The following PHACTR2 variants were observed in gnomAD, a reference collection of about 807,000 sequenced individuals.
PHACTR2 encodes chromosome 6 open reading frame 56.
A neutral mutation model predicts 76.0 loss-of-function variants in PHACTR2; 30 were observed. The observed-to-expected ratio is 0.39, with a 90% CI of 0.30 to 0.54. PHACTR2 has a LOEUF of 0.54. Among genes scored for constraint, PHACTR2 ranks in the 20% least tolerant of loss-of-function variants. The probability of loss-of-function intolerance (pLI) is 0.61; values close to 1 mark genes in which losing one functional copy is unlikely to be tolerated. For synonymous variants in PHACTR2, 292 were observed against 292.5 expected (o/e 1.00, Z 0.02); for missense variants, 696 against 781.1 (o/e 0.89, Z 1.30).
In PHACTR2 at chr6:143,688,667, G is replaced by GT. The variant is rs760221895; in HGVS notation, c.46+10459dup. Among the ~76,000 whole-genome samples, 4 of 152,048 alleles carry GT rather than the reference G, an allele frequency of 2.6e-5. No individual in the cohort carries two copies. The highest frequency in any genetic ancestry group is 1.3e-4 in the Admixed American group (2 of 15,260). ...CCCCTCCATATGGATCCATCAGCAG[G>GT]TCTTGTCCTTTTCTCTTCCCAAATA... On this transcript the variant is annotated intron_variant, in intron 1 of 12. Coordinates refer to ENST00000440869, the MANE Select transcript of PHACTR2 (RefSeq NM_001100164.2). The surrounding 1 kb of genome is among the most constrained non-coding windows in gnomAD (Gnocchi z 5.2).
chr6:143,597,691 T>C lies in PHACTR2; in HGVS notation c.217+60484T>C, dbSNP rs1775769523. 6.6e-6 allele frequency among the ~76,000 whole-genome samples: 1 copy of C among 152,208 alleles called. No individual in the cohort carries two copies. The highest frequency in any genetic ancestry group is 2.4e-5 in the African/African-American group (1 of 41,450). ...TCTAGCATAGAGGTTTTTAAAGTCT[T>C]TATTCAGCATTGACCTAAACACTTC... On this transcript the variant is annotated intron_variant, in intron 1 of 11. Transcript: ENST00000367584. This position sits in a 1 kb window ranked among gnomAD's most constrained non-coding sequence, Gnocchi z 5.7.
chr6:143,649,179 T>G (rs1776712654), intron 1 of PHACTR2, among the ~76,000 whole-genome samples: 1 of 152,106 alleles, frequency 6.6e-6, no homozygotes, highest in Admixed American at 6.5e-5. Flanking sequence ...TGCCACATTT[T>G]TGTGTGTGTC....
chr6:143,594,729 C>A lies in PHACTR2; in HGVS notation c.217+57522C>A, dbSNP rs768967170. Among the ~76,000 whole-genome samples, 10 of 152,342 alleles carry A rather than the reference C, an allele frequency of 6.6e-5. No individual in the cohort carries two copies. In the South Asian group the frequency reaches 2.1e-3, roughly 32 times the overall value. ...TGGCCTTGGCCTATACCTAGCCAGC[C>A]GCACATGGGCTTCCTCTAGAGTTTG... On this transcript the variant is annotated intron_variant, in intron 1 of 11. Coordinates refer to the PHACTR2 transcript ENST00000367584.
chr6:143,785,085 C>T (rs930903720), intron 10 of PHACTR2, among the ~76,000 whole-genome samples: 4 of 152,244 alleles, frequency 2.6e-5, no homozygotes, highest in Middle Eastern at 3.4e-3. Flanking sequence ...TAACTCATTT[C>T]GGCAGTATCC....
Position 143,652,081 on chromosome 6 carries a change from AG to A in PHACTR2, c.13+43761del, listed in dbSNP as rs1776772863. Among the ~76,000 whole-genome samples, 1 of 146,402 alleles carries A rather than the reference AG, an allele frequency of 6.8e-6. No homozygotes were observed. The highest frequency in any genetic ancestry group is 2.5e-5 in the African/African-American group (1 of 39,800). On this transcript the variant is annotated intron_variant, in intron 1 of 11. Transcript: ENST00000305766. The surrounding 1 kb of genome is among the most constrained non-coding windows in gnomAD (Gnocchi z 4.5). Reference sequence around the variant, plus strand: ...GTTGTTTAAGCAAAAAAAAAAAAAAAGGCCGGTAAACACTGGTGATTCTGCT... The same window carrying A: ...GTTGTTTAAGCAAAAAAAAAAAAAAAGCCGGTAAACACTGGTGATTCTGCT...
Position 143,820,647 on chromosome 6 carries a change from G to A in PHACTR2, c.1923-3027G>A, listed in dbSNP as rs1348656281. On this transcript the variant is annotated intron_variant, in intron 12 of 12. Transcript: ENST00000440869. The surrounding 1 kb of genome is among the most constrained non-coding windows in gnomAD (Gnocchi z 4.2). ...CTGATCTCACAGGCTGGCGTTGAAT[G>A]TCTGTGGCTTTTCCAGGCACAGGGT... Among the ~76,000 whole-genome samples, 2 of 152,262 alleles carry A rather than the reference G, an allele frequency of 1.3e-5. No individual in the cohort carries two copies. The highest frequency in any genetic ancestry group is 2.4e-5 in the African/African-American group (1 of 41,472).
intron 1 of PHACTR2, among the ~76,000 whole-genome samples, chr6:143,682,556 C>G (rs1480683640): frequency 6.6e-6 from 1 of 152,098 alleles, no homozygotes; most frequent in African/African-American, 2.4e-5. Context: ...CAGTGGATTC[C>G]TTATGATTTT....
Position 143,633,203 on chromosome 6 carries a change from T to A in PHACTR2, c.13+24881T>A, listed in dbSNP as rs1171538155. 1.3e-5 allele frequency among the ~76,000 whole-genome samples: 2 copies of A among 152,232 alleles called. No homozygotes were observed. Among genetic ancestry groups the A allele is most frequent in the Non-Finnish European group, 2.9e-5 (2 of 68,040 alleles). ...CTGCTAAACTGTCTTCCAAAGTGGC[T>A]GTACCATTTTGCATTCCCATCAGCA... On this transcript the variant is annotated intron_variant, in intron 1 of 11. Transcript: ENST00000305766. The surrounding 1 kb of genome is among the most constrained non-coding windows in gnomAD (Gnocchi z 4.1).
chr6:143,650,247 G>T (rs1776736972), intron 1 of PHACTR2, among the ~76,000 whole-genome samples: 1 of 152,150 alleles, frequency 6.6e-6, no homozygotes, highest in African/African-American at 2.4e-5. Context: ...TCAATATCAT[G>T]GAAGTGGCCA....
chr6:143,658,337 G>T lies in PHACTR2; in HGVS notation c.13+50015G>T, dbSNP rs1219029017. Among the ~76,000 whole-genome samples, 1 of 152,220 alleles carries T rather than the reference G, an allele frequency of 6.6e-6. No homozygotes were observed. Among genetic ancestry groups the T allele is most frequent in the East Asian group, 1.9e-4 (1 of 5,200 alleles). On this transcript the variant is annotated intron_variant, in intron 1 of 11. Coordinates refer to the PHACTR2 transcript ENST00000305766. This position sits in a 1 kb window ranked among gnomAD's most constrained non-coding sequence, Gnocchi z 4.1. Reference sequence around the variant, plus strand: ...TAAATATGAACTTAAAACTTAACCTGAAGTTGACCTCCTTAATGATAAGGT... The same window carrying T: ...TAAATATGAACTTAAAACTTAACCTTAAGTTGACCTCCTTAATGATAAGGT...
At chr6:143,717,557 G>A (rs1334712542) in intron 2 of PHACTR2, among the ~76,000 whole-genome samples, 1 of 151,748 alleles carries the variant, frequency 6.6e-6, no homozygotes, top group Admixed American at 6.6e-5. Flanking sequence ...TGCAGTACTG[G>A]GTGCTTTAGG....
At chr6:143,629,689 T>A (rs9496715) in intron 1 of PHACTR2, among the ~76,000 whole-genome samples, 97,161 of 151,816 alleles carry the variant, frequency 0.64, 33,060 homozygotes, top group Middle Eastern at 0.78. Context: ...GTTGTTTACA[T>A]GTTGAGTGTG....
Position 143,823,713 on chromosome 6 carries a change from C to T in PHACTR2, c.*24C>T. 6.3e-7 allele frequency: 1 copy of T among 1,594,620 alleles called. No individual in the cohort carries two copies. The highest frequency in any genetic ancestry group is 8.6e-7 in the Non-Finnish European group (1 of 1,162,294). ...AACGAAGAGTGAGACTATTTGGAAA[C>T]AGAGACTGATCATCTTTGGGGGAAG... On this transcript the variant is annotated 3_prime_UTR_variant, in exon 13 of 13. Transcript: ENST00000440869. The surrounding 1 kb of genome is among the most constrained non-coding windows in gnomAD (Gnocchi z 5.7).
rs1410843323 is a variant in PHACTR2, at chr6:143,658,020, C to T, written c.13+49698C>T. On this transcript the variant is annotated intron_variant, in intron 1 of 11. Coordinates refer to the PHACTR2 transcript ENST00000305766. The surrounding 1 kb of genome is among the most constrained non-coding windows in gnomAD (Gnocchi z 4.1). Reference sequence around the variant, plus strand: ...TAGTATTCCATTAATGGACATACCACAATTTATTTACCCACTCTTCTGTTG... The same window carrying T: ...TAGTATTCCATTAATGGACATACCATAATTTATTTACCCACTCTTCTGTTG... Among the ~76,000 whole-genome samples, 1 of 152,168 alleles carries T rather than the reference C, an allele frequency of 6.6e-6. No homozygotes were observed. The highest frequency in any genetic ancestry group is 2.4e-5 in the African/African-American group (1 of 41,428).
Position 143,633,319 on chromosome 6 carries a change from G to A in PHACTR2, c.13+24997G>A, listed in dbSNP as rs1179110073. ...TGACCATTCTCAAAGATGAGTAGTG[G>A]CATCTTGTTGCTTCAATTTGCAATT... On this transcript the variant is annotated intron_variant, in intron 1 of 11. Coordinates refer to the PHACTR2 transcript ENST00000305766. The surrounding 1 kb of genome is among the most constrained non-coding windows in gnomAD (Gnocchi z 4.1). Among the ~76,000 whole-genome samples, 1 of 152,184 alleles carries A rather than the reference G, an allele frequency of 6.6e-6. No individual in the cohort carries two copies. Among genetic ancestry groups the A allele is most frequent in the Non-Finnish European group, 1.5e-5 (1 of 68,034 alleles).
chr6:143,624,930 C>T lies in PHACTR2; in HGVS notation c.13+16608C>T, dbSNP rs929334933. 6.6e-6 allele frequency among the ~76,000 whole-genome samples: 1 copy of T among 151,902 alleles called. No individual in the cohort carries two copies. The highest frequency in any genetic ancestry group is 2.4e-5 in the African/African-American group (1 of 41,330). On this transcript the variant is annotated intron_variant, in intron 1 of 11. Coordinates refer to the PHACTR2 transcript ENST00000305766. This position sits in a 1 kb window ranked among gnomAD's most constrained non-coding sequence, Gnocchi z 4.6. ...CAGTACTTTGGGAGGCCGAGGCGGG[C>T]GGATCATTTGAGGTCAGGAGTACAA...
chr6:143,778,074 A>G (rs1582871342), intron 9 of PHACTR2, among the ~76,000 whole-genome samples: 2 of 152,206 alleles, frequency 1.3e-5, no homozygotes, highest in South Asian at 4.1e-4. Context: ...GTCAGTGTGG[A>G]CAGGCACTGC....
rs1376776444 is a variant in PHACTR2, at chr6:143,617,827, A to G, written c.13+9505A>G. ...AACGGAAACTGAAGCCAGACTTTCT[A>G]TAATCCACCCTTGTGGAGTCTGTAG... On this transcript the variant is annotated intron_variant, in intron 1 of 11. Transcript: ENST00000305766. This position sits in a 1 kb window ranked among gnomAD's most constrained non-coding sequence, Gnocchi z 4.8. Among the ~76,000 whole-genome samples the G allele has an allele frequency of 1.3e-5, 2 of 152,238 alleles. No homozygotes were observed. The highest frequency in any genetic ancestry group is 2.9e-5 in the Non-Finnish European group (2 of 68,042).
At position 143,761,406 on chromosome 6, in the gene PHACTR2, A is replaced by C. The variant is rs1017246862; in HGVS notation, c.694+766A>C. ...TGCTTGATGCAAAGTGGAAACTCCC[A>C]TTTTTTTAGTGAAGAGGAAGAAAGA... On this transcript the variant is annotated intron_variant, in intron 5 of 12. Transcript: ENST00000440869. The surrounding 1 kb of genome is among the most constrained non-coding windows in gnomAD (Gnocchi z 5.2). Among the ~76,000 whole-genome samples the C allele has an allele frequency of 6.6e-6, 1 of 152,138 alleles. No individual in the cohort carries two copies. Among genetic ancestry groups the C allele is most frequent in the African/African-American group, 2.4e-5 (1 of 41,426 alleles).
Sources: gnomAD v4.1 joint callset for allele counts (sites outside exome capture counted in the v4.1 genomes callset) on GRCh38, gnomAD v4.1.1 for gene constraint, Gnocchi (gnomAD v3.1) non-coding constraint, MANE v1.5 for transcripts, NCBI Gene and HGNC (gene_info 2026-07-23, HGNC 2026-07-21) for gene names.